Variants in TRPM3 observed in about 807,000 individuals in gnomAD.
TRPM3 encodes the protein transient receptor potential cation channel subfamily M member 3, also known as long transient receptor potential channel 3.
Under a neutral mutation model 181.2 loss-of-function variants are expected in TRPM3, and 77 were observed. The ratio of observed to expected loss-of-function variants is 0.42; its 90% CI spans 0.35 to 0.51. The LOEUF (loss-of-function observed/expected upper bound fraction) is 0.51, where lower values mean the gene tolerates loss of function less well. Among genes scored for constraint, TRPM3 ranks in the 20% least tolerant of loss-of-function variants. TRPM3 has a pLI of 0.01. For missense variants in TRPM3, 1,759 were observed against 2,196.7 expected (o/e 0.80, Z 3.98); for synonymous variants, 745 against 796.4 (o/e 0.94, Z 1.09).
chr9:70,773,482 T>C (rs543958285), intron 7 of TRPM3, among the ~76,000 whole-genome samples: 1 of 152,182 alleles, frequency 6.6e-6, no homozygotes, highest in South Asian at 2.1e-4. Context: ...GGGTCAGAGG[T>C]GTGGGAAAAG....
intron 1 of TRPM3, among the ~76,000 whole-genome samples, chr9:70,940,956 T>C (rs1429896434): frequency 6.6e-6 from 1 of 152,252 alleles, no homozygotes; most frequent in African/African-American, 2.4e-5. Flanking sequence ...TTTAAAATAA[T>C]GAACATTTTA....
chr9:71,031,978 ATATATATATTAT>A (rs2057392350), intron 1 of TRPM3, among the ~76,000 whole-genome samples: 1 of 4,984 alleles, frequency 2.0e-4, no homozygotes, highest in African/African-American at 1.6e-3. Context: ...TATATTATAT[ATATATATATTAT>A]ATATATATAA....
chr9:71,389,987 T>C (rs2093023777), intron 1 of TRPM3, among the ~76,000 whole-genome samples: 1 of 152,032 alleles, frequency 6.6e-6, no homozygotes. Flanking sequence ...AAAAACTTAT[T>C]TGGAAAATAT....
chr9:71,163,153 A>G (rs1001664009), intron 1 of TRPM3, among the ~76,000 whole-genome samples: 2 of 152,172 alleles, frequency 1.3e-5, no homozygotes, highest in African/African-American at 4.8e-5. Context: ...AAGAGGTGAC[A>G]TGATTAAAAA....
intron 6 of TRPM3, among the ~76,000 whole-genome samples, chr9:70,822,443 T>C (rs1055352763): frequency 6.6e-5 from 10 of 152,084 alleles, no homozygotes; most frequent in African/African-American, 2.4e-4. Flanking sequence ...TCAAAATATA[T>C]CTTAGGACAA....
At chr9:71,199,027 A>T (rs2078593826) in intron 1 of TRPM3, among the ~76,000 whole-genome samples, 1 of 146,448 alleles carries the variant, frequency 6.8e-6, no homozygotes, top group African/African-American at 2.5e-5. Flanking sequence ...GATAGCTCTT[A>T]TTATTTTGAG....
chr9:71,076,809 A>C (rs2063524050), intron 1 of TRPM3, among the ~76,000 whole-genome samples: 2 of 152,318 alleles, frequency 1.3e-5, no homozygotes, highest in Admixed American at 1.3e-4. Context: ...CCCAGGCATT[A>C]GGTACAGTGT....
At chr9:71,368,919 C>G (rs1305878855) in intron 1 of TRPM3, among the ~76,000 whole-genome samples, 2 of 151,944 alleles carry the variant, frequency 1.3e-5, no homozygotes, top group Non-Finnish European at 2.9e-5. Context: ...AAAAATCCCC[C>G]AAATAAACAT....
At chr9:70,673,949 C>CAAAAA (rs5898160) in intron 9 of TRPM3, among the ~76,000 whole-genome samples, 15 of 89,594 alleles carry the variant, frequency 1.7e-4, no homozygotes, top group Admixed American at 4.1e-4. Context: ...AACTCCATCT[C>CAAAAA]AAAAAAAAAA....
chr9:71,279,842 C>T (rs1049485648), intron 1 of TRPM3, among the ~76,000 whole-genome samples: 1 of 152,148 alleles, frequency 6.6e-6, no homozygotes, highest in Non-Finnish European at 1.5e-5. Flanking sequence ...CTTTGGGAGG[C>T]CGAGGCAGGC....
intron 1 of TRPM3, among the ~76,000 whole-genome samples, chr9:71,095,073 CA>C (rs1287772081): frequency 6.6e-6 from 1 of 152,148 alleles, no homozygotes; most frequent in South Asian, 2.1e-4. Context: ...TGACTATCTA[CA>C]AAATGGACTG....
chr9:71,279,067 AAACCACC>A, intron 1 of TRPM3, among the ~76,000 whole-genome samples: 1 of 148,776 alleles, frequency 6.7e-6, no homozygotes, highest in African/African-American at 2.5e-5. Context: ...AAAAATAAAA[AAACCACC>A]AACGACCATT....
chr9:71,242,393 C>T (rs1323561525), intron 1 of TRPM3, among the ~76,000 whole-genome samples: 4 of 152,134 alleles, frequency 2.6e-5, no homozygotes, highest in East Asian at 1.9e-4. Context: ...TGAAAAGTCT[C>T]GGTCATGACC....
At chr9:70,870,948 T>C (rs2095777491) in intron 1 of TRPM3, among the ~76,000 whole-genome samples, 1 of 151,978 alleles carries the variant, frequency 6.6e-6, no homozygotes, top group South Asian at 2.1e-4. Context: ...CAGAAAATAT[T>C]TTTTTTCAAC....
chr9:71,337,067 G>A (rs933661293), intron 1 of TRPM3, among the ~76,000 whole-genome samples: 7 of 151,910 alleles, frequency 4.6e-5, no homozygotes, highest in Admixed American at 1.3e-4. Context: ...ACTAAAACAC[G>A]AAAAGCAATG....
At chr9:70,687,745 C>CTTAT (rs1286578412) in intron 8 of TRPM3, among the ~76,000 whole-genome samples, 1 of 152,178 alleles carries the variant, frequency 6.6e-6, no homozygotes, top group African/African-American at 2.4e-5. Context: ...TGTGCTTGCT[C>CTTAT]TTATTTTGTG....
chr9:70,927,810 G>C (rs762770443), intron 1 of TRPM3, among the ~76,000 whole-genome samples: 26 of 152,202 alleles, frequency 1.7e-4, no homozygotes, highest in Middle Eastern at 3.4e-3. Context: ...CTCTTTTCCT[G>C]TTTAAATGTT....
chr9:70,898,860 A>C (rs969782110), intron 1 of TRPM3, among the ~76,000 whole-genome samples: 2 of 152,174 alleles, frequency 1.3e-5, no homozygotes, highest in Non-Finnish European at 2.9e-5. Context: ...GCTGCTGCTG[A>C]TAAAACGTGG....
intron 1 of TRPM3, among the ~76,000 whole-genome samples, chr9:71,333,680 G>A (rs2090369296): frequency 6.6e-6 from 1 of 151,884 alleles, no homozygotes; most frequent in South Asian, 2.1e-4. Flanking sequence ...AACCCTACAA[G>A]ATAACTTGAG....
Sources: allele counts gnomAD v4.1 joint callset (sites outside exome capture counted in the v4.1 genomes callset), GRCh38; gene constraint gnomAD v4.1.1; transcripts MANE v1.5; gene names NCBI Gene and HGNC (gene_info 2026-07-23, HGNC 2026-07-21).